Variants in GPATCH2L observed in about 807,000 individuals in gnomAD.
The protein encoded by GPATCH2L is G patch domain-containing protein 2-like.
A neutral mutation model predicts 57.4 loss-of-function variants in GPATCH2L; 31 were observed. That is an observed-to-expected ratio of 0.54 (90% CI 0.41 to 0.73). The LOEUF (loss-of-function observed/expected upper bound fraction) is 0.73, where lower values mean the gene tolerates loss of function less well. GPATCH2L is among the 30% of genes least tolerant of loss of function. The probability of loss-of-function intolerance (pLI) is 0.00; values close to 1 mark genes in which losing one functional copy is unlikely to be tolerated. For synonymous variants in GPATCH2L, 199 were observed against 210.7 expected (o/e 0.94, Z 0.48); for missense variants, 481 against 599.9 (o/e 0.80, Z 2.07).
chr14:76,160,760 G>A (rs529174510), intron 2 of GPATCH2L, among the ~76,000 whole-genome samples: 51 of 152,276 alleles, frequency 3.3e-4, no homozygotes, highest in African/African-American at 1.2e-3. Context: ...CAGAATCCAT[G>A]TTCTTTAAAA....
intron 2 of GPATCH2L, among the ~76,000 whole-genome samples, chr14:76,161,266 A>G (rs1292900235): frequency 6.6e-6 from 1 of 152,230 alleles, no homozygotes; most frequent in Non-Finnish European, 1.5e-5. Flanking sequence ...TATTTTTGTT[A>G]AGTGCATTAT....
At chr14:76,201,549 C>T (rs1018966719) in intron 9 of GPATCH2L, 142 bp from the exon 10 acceptor site, 12 of 475,126 alleles carry the variant, frequency 2.5e-5, no homozygotes, top group Non-Finnish European at 4.1e-5. Flanking sequence ...GAAAGAGATA[C>T]CTTACGTGGC....
chr14:76,190,587 T>C (rs1180207020), intron 8 of GPATCH2L, among the ~76,000 whole-genome samples: 3 of 152,180 alleles, frequency 2.0e-5, no homozygotes, highest in East Asian at 3.9e-4. Flanking sequence ...GTCTTTTCTC[T>C]AATTGCATAT....
At chr14:76,175,617 G>C (rs544632390) in intron 5 of GPATCH2L, 2 of 152,078 alleles carry the variant, frequency 1.3e-5, no homozygotes, top group South Asian at 4.1e-4. Context: ...CTGTGACCAG[G>C]AGGCATAGCT....
intron 8 of GPATCH2L, among the ~76,000 whole-genome samples, chr14:76,182,239 C>T (rs867611985): frequency 2.2e-4 from 34 of 151,758 alleles, no homozygotes; most frequent in African/African-American, 6.5e-4. Flanking sequence ...TGCCTGTAGT[C>T]CCAGCTGCTC....
At chr14:76,184,323 A>G (rs2039690083) in intron 8 of GPATCH2L, among the ~76,000 whole-genome samples, 1 of 152,072 alleles carries the variant, frequency 6.6e-6, no homozygotes, top group Non-Finnish European at 1.5e-5. Flanking sequence ...TAAGAGCACA[A>G]AGAGTTTGAT....
rs143221722 is a variant in GPATCH2L at position 76,232,603 on chromosome 14, C to T, written c.*117+2650C>T. Among the ~76,000 whole-genome samples the T allele has an allele frequency of 2.6e-4, 40 of 152,286 alleles. No individual in the cohort carries two copies. The East Asian group carries it at 6.9e-3, about 26-fold the overall frequency. ...GGTTTGATAATTCACTAGAAAGACT[C>T]GCAGAACTCACTGATAGCTGTTAGA... On this transcript the variant is annotated intron_variant and NMD_transcript_variant, in intron 2 of 3. Transcript: ENST00000556372.
At chr14:76,155,527 G>A (rs2038266472) in intron 2 of GPATCH2L, among the ~76,000 whole-genome samples, 1 of 152,216 alleles carries the variant, frequency 6.6e-6, no homozygotes, top group Admixed American at 6.5e-5. Context: ...TGATTATATT[G>A]AATTTATTTT....
intron 2 of GPATCH2L, among the ~76,000 whole-genome samples, chr14:76,161,193 C>A (rs1026354260): frequency 3.4e-4 from 52 of 152,238 alleles, no homozygotes; most frequent in African/African-American, 1.2e-3. Flanking sequence ...AACAAAAATA[C>A]CTTTGGGCAG....
At chr14:76,178,273 A>G (rs1162214291) in intron 7 of GPATCH2L, 2 of 1,476,040 alleles carry the variant, frequency 1.4e-6, no homozygotes, top group Non-Finnish European at 1.8e-6. Flanking sequence ...CAACATCAGA[A>G]TCCTGCGTTG....
At chr14:76,225,870 A>G (rs542368807) in intron 1 of GPATCH2L, among the ~76,000 whole-genome samples, 9 of 152,364 alleles carry the variant, frequency 5.9e-5, no homozygotes, top group African/African-American at 1.9e-4. Context: ...GTGCTTAAAC[A>G]TCATTAGTCA....
chr14:76,168,815 A>G (rs904351258), intron 3 of GPATCH2L, among the ~76,000 whole-genome samples: 3 of 152,238 alleles, frequency 2.0e-5, no homozygotes, highest in African/African-American at 4.8e-5. Flanking sequence ...TGATTCTGCT[A>G]TAGAGAGTAC....
chr14:76,200,379 T>A (rs868182163), intron 9 of GPATCH2L, among the ~76,000 whole-genome samples: 2 of 152,334 alleles, frequency 1.3e-5, no homozygotes, highest in Middle Eastern at 6.8e-3. Context: ...TCTAGGGTAG[T>A]GCTTTTTTCA....
In GPATCH2L at chr14:76,195,966, A is replaced by G. The variant is rs2139804112; in HGVS notation, c.1282A>G (p.Ser428Gly). Residue 428 changes from serine (S) to glycine (G), a missense_variant, in exon 9 of 10, where the codon AGT becomes GGT. Coordinates refer to ENST00000261530, the MANE Select transcript of GPATCH2L (RefSeq NM_017926.4). ...PVATASLSSP[S>G]AVHMDAVEPT... ...GGCCACAGCATCTTTGTCTAGCCCC[A>G]GTGCAGGTGATTACATGCAGTTATC... 1 of 1,609,940 alleles carries G rather than the reference A, an allele frequency of 6.2e-7. No homozygotes were observed. The highest frequency in any genetic ancestry group is 8.5e-7 in the Non-Finnish European group (1 of 1,176,232).
At chr14:76,180,333 A>G (rs942494877) in intron 7 of GPATCH2L, among the ~76,000 whole-genome samples, 1 of 152,224 alleles carries the variant, frequency 6.6e-6, no homozygotes, top group Admixed American at 6.5e-5. Context: ...CCACAATACT[A>G]TGCTGCTGTT....
intron 2 of GPATCH2L, among the ~76,000 whole-genome samples, chr14:76,159,429 C>T (rs1378086908): frequency 6.6e-6 from 1 of 152,134 alleles, no homozygotes; most frequent in African/African-American, 2.4e-5. Context: ...CCCTTGGTCC[C>T]CTTCTCTACT....
intron 7 of GPATCH2L, among the ~76,000 whole-genome samples, chr14:76,180,313 A>G (rs2039512726): frequency 1.3e-5 from 2 of 152,206 alleles, no homozygotes; most frequent in South Asian, 2.1e-4. Flanking sequence ...TTCTTAGTCT[A>G]GTTCTCTTTC....
chr14:76,227,196 T>C (rs1022722236), intron 1 of GPATCH2L, among the ~76,000 whole-genome samples: 2 of 152,180 alleles, frequency 1.3e-5, no homozygotes, highest in African/African-American at 2.4e-5. Context: ...TCCACGTTGT[T>C]TGAAAAGAAA....
chr14:76,225,919 A>G (rs1595014327), intron 1 of GPATCH2L, among the ~76,000 whole-genome samples: 1 of 152,240 alleles, frequency 6.6e-6, no homozygotes, highest in East Asian at 1.9e-4. Flanking sequence ...CGATATTACT[A>G]CATACTCAAC....
Sources: gnomAD v4.1 joint callset for allele counts (sites outside exome capture counted in the v4.1 genomes callset) on GRCh38, gnomAD v4.1.1 for gene constraint, MANE v1.5 for transcripts, NCBI Gene and HGNC (gene_info 2026-07-23, HGNC 2026-07-21) for gene names.